HEATR5B: variants seen among roughly 807,000 people sequenced by gnomAD.
HEATR5B encodes the protein HEAT repeat-containing protein 5B.
Under a neutral mutation model 224.1 loss-of-function variants are expected in HEATR5B, and 156 were observed. The ratio of observed to expected loss-of-function variants is 0.70; its 90% CI spans 0.61 to 0.80. HEATR5B has a LOEUF of 0.80. HEATR5B is among the 30% of genes least tolerant of loss of function. HEATR5B has a pLI of 0.00. For missense variants in HEATR5B, 2,323 were observed against 2,535.5 expected (o/e 0.92, Z 1.80); for synonymous variants, 1,027 against 893.0 (o/e 1.15, Z -2.68).
chr2:37,002,505 A>C lies in HEATR5B; in HGVS notation c.5118T>G (p.Ile1706Met). Reference protein sequence around the residue: ...LGEGGDSGGLIPGKSLVFATM... With the variant: ...LGEGGDSGGLMPGKSLVFATM... ...TTGCAAACACAAGAGATTTTCCAGGAATGAGACCACCGCTGTCACCTCCTT... is the reference window on the plus strand; with the variant it reads ...TTGCAAACACAAGAGATTTTCCAGGCATGAGACCACCGCTGTCACCTCCTT... The change falls in exon 32 of 36, where the codon ATT becomes ATG. Residue 1706 changes from isoleucine to methionine, a missense_variant. Physicochemically the swap from Ile to Met is conservative, Grantham distance 10 (BLOSUM62 1). Transcript: ENST00000233099. 1 of 1,614,190 alleles carries C rather than the reference A, an allele frequency of 6.2e-7. No homozygotes were observed.
chr2:37,068,661 A>T lies in HEATR5B; in HGVS notation c.1177+20T>A. On this transcript the variant is annotated intron_variant, in intron 8 of 35. Coordinates refer to ENST00000233099, the MANE Select transcript of HEATR5B (RefSeq NM_019024.3). ...TAAATGACTAAGGTAATCAACACACATAATGATACTGATTCTTACCTACGG... is the reference window on the plus strand; with the variant it reads ...TAAATGACTAAGGTAATCAACACACTTAATGATACTGATTCTTACCTACGG... 6.2e-7 allele frequency: 1 copy of T among 1,612,316 alleles called. No individual in the cohort carries two copies. Among genetic ancestry groups the T allele is most frequent in the Non-Finnish European group, 8.5e-7 (1 of 1,179,006 alleles).
chr2:36,984,199 T>TAAAAAAAAAAAAA, intron 35 of HEATR5B, among the ~76,000 whole-genome samples: 1 of 27,456 alleles, frequency 3.6e-5, no homozygotes, highest in Non-Finnish European at 6.2e-5. Flanking sequence ...AAACTCTGTC[T>TAAAAAAAAAAAAA]CAAAAAAAAA....
chr2:37,066,548 C>T (rs1671599119), intron 8 of HEATR5B, among the ~76,000 whole-genome samples: 1 of 152,166 alleles, frequency 6.6e-6, no homozygotes, highest in East Asian at 1.9e-4. Flanking sequence ...TCTGTAAGTT[C>T]CCATTAATTA....
chr2:37,068,540 T>C lies in HEATR5B; in HGVS notation c.1177+141A>G, dbSNP rs112223455. 32 of 840,704 alleles carry C rather than the reference T, an allele frequency of 3.8e-5. No homozygotes were observed. The African/African-American group carries it at 4.7e-4, about 12-fold the overall frequency. The allele number at this position is 840,704 out of a possible 1,614,324, so 52.1% of individuals were successfully genotyped here. On this transcript the variant is annotated intron_variant, in intron 8 of 35. Transcript: ENST00000233099. ...TCACTGTAATTATGTGATTTTAATA[T>C]CAAATAAGAGTACTCAATAAAAATC... is the stretch of plus-strand genomic sequence containing the variant.
intron 35 of HEATR5B, among the ~76,000 whole-genome samples, chr2:36,982,863 TACACACACACACACACACACACAC>T (rs3836070): frequency 1.2e-4 from 15 of 126,000 alleles, no homozygotes; most frequent in Admixed American, 5.0e-4. Flanking sequence ...CAGACACAGA[TACACACACACACACACACACACAC>T]ACACACACAC....
At chr2:37,064,416 A>C (rs1457823140) in intron 10 of HEATR5B, among the ~76,000 whole-genome samples, 1 of 151,580 alleles carries the variant, frequency 6.6e-6, no homozygotes, top group African/African-American at 2.4e-5. Flanking sequence ...CCTCCCCAGT[A>C]GCTAGGACCA....
intron 29 of HEATR5B, among the ~76,000 whole-genome samples, chr2:37,006,433 G>T (rs1230435216): frequency 6.6e-6 from 1 of 152,146 alleles, no homozygotes; most frequent in African/African-American, 2.4e-5. Flanking sequence ...CCTGAGGTCA[G>T]GAGTTCGAGA....
At chr2:37,000,220 G>C (rs949438178) in intron 33 of HEATR5B, among the ~76,000 whole-genome samples, 1 of 151,876 alleles carries the variant, frequency 6.6e-6, no homozygotes, top group South Asian at 2.1e-4. Flanking sequence ...TGGGATTACA[G>C]GCACGTGCCA....
Position 37,041,124 on chromosome 2 carries a change from A to G in HEATR5B, c.2856+9T>C. 6.2e-7 allele frequency: 1 copy of G among 1,603,272 alleles called. No individual in the cohort carries two copies. The highest frequency in any genetic ancestry group is 8.5e-7 in the Non-Finnish European group (1 of 1,176,166). On this transcript the variant is annotated intron_variant, in intron 19 of 35. Transcript: ENST00000233099. The stretch of plus-strand genomic sequence containing the variant: ...AACTTTTGTAATAAAAAAACCAATT[A>G]TATTATACCTGGACTTCAGGGGATG...
At chr2:37,053,049 A>T (rs1371234852) in intron 17 of HEATR5B, among the ~76,000 whole-genome samples, 2 of 152,232 alleles carry the variant, frequency 1.3e-5, no homozygotes, top group African/African-American at 4.8e-5. Flanking sequence ...GAAAAAGGTT[A>T]AAAAAGTTTA....
chr2:37,026,400 C>G (rs935564434), intron 24 of HEATR5B, among the ~76,000 whole-genome samples: 5 of 152,188 alleles, frequency 3.3e-5, no homozygotes, highest in Admixed American at 2.6e-4. Flanking sequence ...TTTGTTATAG[C>G]AGCAATAGAA....
intron 35 of HEATR5B, among the ~76,000 whole-genome samples, chr2:36,985,203 T>A (rs987042656): frequency 2.0e-5 from 3 of 152,222 alleles, no homozygotes; most frequent in Non-Finnish European, 4.4e-5. Context: ...AATGTTGCCA[T>A]CAAATTAATA....
intron 21 of HEATR5B, among the ~76,000 whole-genome samples, chr2:37,033,675 A>G (rs1669285971): frequency 6.6e-6 from 1 of 152,216 alleles, no homozygotes; most frequent in African/African-American, 2.4e-5. Context: ...ATAAAAGTTA[A>G]GAACTCAGGC....
intron 33 of HEATR5B, among the ~76,000 whole-genome samples, chr2:36,993,555 AAAG>A (rs1666483085): frequency 1.3e-5 from 2 of 149,770 alleles, no homozygotes; most frequent in African/African-American, 5.1e-5. Flanking sequence ...AAAAAAAAAA[AAAG>A]AAAGAAAGTT....
chr2:37,010,259 T>G (rs568175411), intron 27 of HEATR5B, among the ~76,000 whole-genome samples: 1 of 152,206 alleles, frequency 6.6e-6, no homozygotes, highest in Admixed American at 6.5e-5. Flanking sequence ...AAAACTGTCT[T>G]CCCTCCACAG....
Position 37,005,778 on chromosome 2 carries a change from A to T in HEATR5B, c.4778-19T>A. On this transcript the variant is annotated intron_variant, in intron 29 of 35. Transcript: ENST00000233099. The stretch of plus-strand genomic sequence containing the variant: ...CTCACACCTGAAATGCACAAAATAA[A>T]AACATGTTTTTTCACTTATAAAACA... 1 of 1,547,480 alleles carries T rather than the reference A, an allele frequency of 6.5e-7. No homozygotes were observed. Among genetic ancestry groups the T allele is most frequent in the Non-Finnish European group, 8.7e-7 (1 of 1,152,088 alleles).
At chr2:37,014,961 G>A (rs927258177) in intron 26 of HEATR5B, among the ~76,000 whole-genome samples, 1 of 151,740 alleles carries the variant, frequency 6.6e-6, no homozygotes, top group Non-Finnish European at 1.5e-5. Flanking sequence ...ACGACAGGGC[G>A]AGACTTTGTC....
At chr2:37,072,622 C>A (rs560490908) in intron 5 of HEATR5B, among the ~76,000 whole-genome samples, 1 of 151,972 alleles carries the variant, frequency 6.6e-6, no homozygotes, top group East Asian at 1.9e-4. Context: ...AAATTCAACA[C>A]AAAGTAAGCA....
chr2:37,081,504 T>C lies in HEATR5B; in HGVS notation c.126+1785A>G, dbSNP rs77420346. On this transcript the variant is annotated intron_variant, in intron 2 of 35. Transcript: ENST00000233099. The stretch of plus-strand genomic sequence containing the variant: ...ACCAACTGTTCCCAACAGGGAAAGC[T>C]GCAAAATGACCTAACTTACAACACA... Among the ~76,000 whole-genome samples, 1,652 of 152,266 alleles carry C rather than the reference T, an allele frequency of 0.011. 71 individuals are homozygous for C. The East Asian group carries it at 0.14, about 12-fold the overall frequency.
Sources: allele counts gnomAD v4.1 joint callset (sites outside exome capture counted in the v4.1 genomes callset), GRCh38; gene constraint gnomAD v4.1.1; transcripts MANE v1.5; gene names NCBI Gene and HGNC (gene_info 2026-07-23, HGNC 2026-07-21).